Variants in TMED3 observed in about 807,000 individuals in gnomAD.
TMED3 encodes the protein transmembrane p24 trafficking protein 3, also known as transmembrane emp24 domain-containing protein 3.
A neutral mutation model predicts 15.0 loss-of-function variants in TMED3; 9 were observed. The ratio of observed to expected loss-of-function variants is 0.60; its 90% CI spans 0.36 to 1.04. The LOEUF (loss-of-function observed/expected upper bound fraction) is 1.04, where lower values mean the gene tolerates loss of function less well. TMED3 is among the 50% of genes least tolerant of loss of function. The pLI, the probability that TMED3 is intolerant of heterozygous loss-of-function variation, is 0.01. For synonymous variants in TMED3, 117 were observed against 121.4 expected (o/e 0.96, Z 0.24); for missense variants, 267 against 278.9 (o/e 0.96, Z 0.30).
At chr15:79,336,119 AG>A (rs1378210403) in intron 2 of TMED3, among the ~76,000 whole-genome samples, 1 of 152,204 alleles carries the variant, frequency 6.6e-6, no homozygotes, top group Non-Finnish European at 1.5e-5. Context: ...ATTTTGATAA[AG>A]GAATAATTGG....
chr15:79,374,001 G>A (rs1427198179), intron 2 of TMED3, among the ~76,000 whole-genome samples: 2 of 152,122 alleles, frequency 1.3e-5, no homozygotes, highest in Admixed American at 1.3e-4. Context: ...AGGCAGCAAG[G>A]TTCAGTAAAT....
At chr15:79,377,905 C>T (rs1336981036) in intron 2 of TMED3, among the ~76,000 whole-genome samples, 1 of 152,204 alleles carries the variant, frequency 6.6e-6, no homozygotes, top group Non-Finnish European at 1.5e-5. Context: ...CTTGGCCTCC[C>T]AAAGTGCTGG....
chr15:79,356,164 G>A (rs1018041356), intron 2 of TMED3, among the ~76,000 whole-genome samples: 1 of 152,130 alleles, frequency 6.6e-6, no homozygotes, highest in Non-Finnish European at 1.5e-5. Context: ...ATGTGTCCAC[G>A]TGACACTTTC....
chr15:79,353,288 T>A (rs56770392), intron 2 of TMED3, among the ~76,000 whole-genome samples: 6 of 15,366 alleles, frequency 3.9e-4, no homozygotes, highest in African/African-American at 7.8e-4. Flanking sequence ...TAATATATAT[T>A]ATATGTATAT....
intron 2 of TMED3, chr15:79,314,557 G>A (rs1196831631): frequency 2.2e-6 from 1 of 455,610 alleles, no homozygotes; most frequent in East Asian, 7.0e-5. Context: ...AGGGTCTTCT[G>A]CCTGTAGCTG....
intron 2 of TMED3, among the ~76,000 whole-genome samples, chr15:79,405,076 T>G (rs901024116): frequency 8.5e-5 from 13 of 152,310 alleles, no homozygotes; most frequent in African/African-American, 3.1e-4. Context: ...TATACAATGT[T>G]CAGCATGACT....
At chr15:79,383,148 C>T (rs895643917) in intron 2 of TMED3, 148 of 843,900 alleles carry the variant, frequency 1.8e-4, no homozygotes, top group Admixed American at 3.7e-4. Flanking sequence ...CACTTCCTGC[C>T]TTGTCCACTC....
At chr15:79,392,678 C>T (rs1231259240) in intron 2 of TMED3, among the ~76,000 whole-genome samples, 4 of 152,086 alleles carry the variant, frequency 2.6e-5, no homozygotes, top group African/African-American at 7.2e-5. Flanking sequence ...ATTTTTTGTT[C>T]GTGTGGTCTT....
At chr15:79,351,948 A>G (rs953911506) in intron 2 of TMED3, among the ~76,000 whole-genome samples, 5 of 152,146 alleles carry the variant, frequency 3.3e-5, no homozygotes, top group African/African-American at 1.2e-4. Flanking sequence ...ACCATTATTC[A>G]AAGTGAAGTA....
rs573004670 is a variant in TMED3 at position 79,387,031 on chromosome 15, G to A, written c.418-24369G>A. ...GCAGCCTTGAATCCTGGGCTCAAGC[G>A]ATTCTCATGCCACAGCCCCCTGAGT... On this transcript the variant is annotated intron_variant, in intron 2 of 2. Coordinates refer to the TMED3 transcript ENST00000424155. Among the ~76,000 whole-genome samples, 46 of 149,804 alleles carry A rather than the reference G, an allele frequency of 3.1e-4. 1 individual carries two copies. Among genetic ancestry groups the A allele is most frequent in the African/African-American group, 1.1e-3 (43 of 40,700 alleles).
chr15:79,370,659 C>T (rs923649496), intron 2 of TMED3, among the ~76,000 whole-genome samples: 1 of 152,222 alleles, frequency 6.6e-6, no homozygotes, highest in Non-Finnish European at 1.5e-5. Context: ...TTATGACCTC[C>T]TAAGTGACAG....
In TMED3 at chr15:79,397,606, C is replaced by CT. The variant is rs1893777466; in HGVS notation, c.418-13793dup. On this transcript the variant is annotated intron_variant, in intron 2 of 2. Coordinates refer to the TMED3 transcript ENST00000424155. ...GTAAACAAGGTACACCAGGAGTTGACTCTGGATACATTTTTCCCTATTTAG... is the reference window on the plus strand; with the variant it reads ...GTAAACAAGGTACACCAGGAGTTGACTTCTGGATACATTTTTCCCTATTTAG... Among the ~76,000 whole-genome samples, 5 of 152,226 alleles carry CT rather than the reference C, an allele frequency of 3.3e-5. 1 individual carries two copies. Among genetic ancestry groups the CT allele is most frequent in the Admixed American group, 3.3e-4 (5 of 15,288 alleles).
At chr15:79,314,501 C>T (rs2058732138) in intron 2 of TMED3, 1 of 454,210 alleles carries the variant, frequency 2.2e-6, no homozygotes, top group Non-Finnish European at 4.4e-6. Flanking sequence ...CTCAGGAATC[C>T]AGGCTCATTC....
At chr15:79,312,619 A>C (rs967413198) in intron 1 of TMED3, among the ~76,000 whole-genome samples, 2 of 152,150 alleles carry the variant, frequency 1.3e-5, no homozygotes, top group Admixed American at 6.5e-5. Flanking sequence ...CCTTTGATGG[A>C]TCTTGGTTAT....
chr15:79,409,770 A>G (rs958612595), intron 2 of TMED3, among the ~76,000 whole-genome samples: 1 of 152,166 alleles, frequency 6.6e-6, no homozygotes, highest in Non-Finnish European at 1.5e-5. Context: ...GCTATGTATT[A>G]TGGGTGAAAT....
At chr15:79,340,704 TGG>T (rs1567027481) in intron 2 of TMED3, among the ~76,000 whole-genome samples, 1 of 152,222 alleles carries the variant, frequency 6.6e-6, no homozygotes, top group Non-Finnish European at 1.5e-5. Context: ...AACTTGGAAG[TGG>T]TATCATGGAT....
downstream of TMED3, chr15:79,322,957 G>C: frequency 4.3e-6 from 4 of 939,682 alleles, no homozygotes; most frequent in Non-Finnish European, 5.1e-6. Context: ...GGTGCATGGG[G>C]TGCTGTGCAG....
At chr15:79,359,605 A>C (rs772150403) in intron 2 of TMED3, among the ~76,000 whole-genome samples, 1 of 152,126 alleles carries the variant, frequency 6.6e-6, no homozygotes, top group Non-Finnish European at 1.5e-5. Flanking sequence ...GACCTTTTTA[A>C]GGGTAAGGGG....
At chr15:79,314,114 T>G (rs1345815485) in intron 2 of TMED3, 109 bp downstream of exon 2, 1 of 1,459,916 alleles carries the variant, frequency 6.8e-7, no homozygotes, top group African/African-American at 1.4e-5. Context: ...GCTCCCAGTC[T>G]GGAAGTCTCA....
Sources: gnomAD v4.1 joint callset for allele counts (sites outside exome capture counted in the v4.1 genomes callset) on GRCh38, gnomAD v4.1.1 for gene constraint, MANE v1.5 for transcripts, NCBI Gene and HGNC (gene_info 2026-07-23, HGNC 2026-07-21) for gene names.